The following RGS6 variants were observed in gnomAD, a reference collection of about 807,000 sequenced individuals.
RGS6 encodes regulator of G-protein signaling 6.
In RGS6, 30 loss-of-function variants were observed where a neutral mutation model predicts 78.5. The ratio of observed to expected loss-of-function variants is 0.38; its 90% confidence interval spans 0.29 to 0.52. The LOEUF (loss-of-function observed/expected upper bound fraction) is 0.52, where lower values mean the gene tolerates loss of function less well. RGS6 is among the 20% of genes least tolerant of loss of function. RGS6 has a pLI of 0.85. For missense variants in RGS6, 495 were observed against 609.7 expected (o/e 0.81, Z 1.98); for synonymous variants, 206 against 206.0 (o/e 1.00, Z 0.00).
chr14:72,166,093 GACACACACACACACACACAC>G (rs3055029), intron 2 of RGS6, among the ~76,000 whole-genome samples: 4 of 107,694 alleles, frequency 3.7e-5, no homozygotes, highest in South Asian at 3.2e-4. Context: ...CCATTTTTGA[GACACACACACACACACACAC>G]ACACACACAC....
intron 12 of RGS6, among the ~76,000 whole-genome samples, chr14:72,482,073 G>A (rs1043022524): frequency 2.6e-5 from 4 of 152,088 alleles, no homozygotes; most frequent in Non-Finnish European, 5.9e-5. Flanking sequence ...GCCTCCCAAA[G>A]TGCTGGGATT....
At chr14:72,343,884 T>G (rs1335115760) in intron 2 of RGS6, among the ~76,000 whole-genome samples, 1 of 152,172 alleles carries the variant, frequency 6.6e-6, no homozygotes, top group African/African-American at 2.4e-5. Context: ...TTGAGGAGAT[T>G]AGAATAAAAG....
intron 2 of RGS6, among the ~76,000 whole-genome samples, chr14:72,273,556 C>A (rs1369909850): frequency 6.6e-6 from 1 of 152,114 alleles, no homozygotes; most frequent in Non-Finnish European, 1.5e-5. Flanking sequence ...TGCAAGGGCC[C>A]TATTAAGATT....
intron 2 of RGS6, among the ~76,000 whole-genome samples, chr14:72,154,258 T>C (rs2096737567): frequency 6.6e-6 from 1 of 152,174 alleles, no homozygotes; most frequent in South Asian, 2.1e-4. Flanking sequence ...CTGTTCTTTT[T>C]CAAGGTACAC....
intron 2 of RGS6, among the ~76,000 whole-genome samples, chr14:72,048,170 G>A (rs1034818314): frequency 2.6e-5 from 4 of 152,064 alleles, no homozygotes; most frequent in Non-Finnish European, 5.9e-5. Context: ...GTGTGTTCAA[G>A]GGTAAATGAT....
chr14:72,562,284 A>AGAT, intron 17 of RGS6, 133 bp from the exon 18 acceptor site: 1 of 805,572 alleles, frequency 1.2e-6, no homozygotes, highest in Admixed American at 2.1e-5. Flanking sequence ...TCAAATATCA[A>AGAT]GATGGTCAGT....
At chr14:72,110,637 G>A (rs2095738607) in intron 2 of RGS6, among the ~76,000 whole-genome samples, 1 of 152,192 alleles carries the variant, frequency 6.6e-6, no homozygotes, top group South Asian at 2.1e-4. Flanking sequence ...TGCAAACATG[G>A]ACATTCTTAT....
At chr14:72,601,137 C>T in the RGS6 span, among the ~76,000 whole-genome samples, 2 of 152,112 alleles carry the variant, frequency 1.3e-5, no homozygotes, top group African/African-American at 4.8e-5. Flanking sequence ...AAAGGGGCTG[C>T]AGCCTCTAGC....
intron 3 of RGS6, among the ~76,000 whole-genome samples, chr14:72,397,864 C>T (rs935244395): frequency 9.9e-5 from 15 of 151,998 alleles, no homozygotes; most frequent in African/African-American, 2.7e-4. Flanking sequence ...TATTGATTTT[C>T]GTATGTTGAA....
At chr14:72,062,318 G>A (rs779250909) in intron 2 of RGS6, among the ~76,000 whole-genome samples, 1 of 152,224 alleles carries the variant, frequency 6.6e-6, no homozygotes, top group African/African-American at 2.4e-5. Flanking sequence ...AGTGAGGAGA[G>A]GTGGGTAGGA....
chr14:72,150,317 G>A (rs2096665294), intron 2 of RGS6, among the ~76,000 whole-genome samples: 1 of 152,116 alleles, frequency 6.6e-6, no homozygotes, highest in African/African-American at 2.4e-5. Context: ...CTTCCCTAGA[G>A]CCTTCAGAGG....
chr14:72,396,013 G>A (rs79165259), intron 3 of RGS6, among the ~76,000 whole-genome samples: 150,744 of 152,176 alleles, frequency 0.99, 74,666 homozygotes, highest in Middle Eastern at 1. Context: ...GTGTCTTTAT[G>A]GCAGCATGAT....
chr14:72,562,681 G>A lies in RGS6; in HGVS notation c.*214G>A. ...CAGAGCCTGGGCTGGGCCCGGTGGA[G>A]GCTCCTGTTTACAGCCCTCTCTTCT... On this transcript the variant is annotated 3_prime_UTR_variant, in exon 18 of 18. Coordinates refer to ENST00000553525, the MANE Select transcript of RGS6 (RefSeq NM_001204424.2). 1 of 1,536,144 alleles carries A rather than the reference G, an allele frequency of 6.5e-7. No individual in the cohort carries two copies. The highest frequency in any genetic ancestry group is 1.2e-5 in the South Asian group (1 of 84,046).
At chr14:71,922,131 A>G in the RGS6 span, among the ~76,000 whole-genome samples, 1 of 152,242 alleles carries the variant, frequency 6.6e-6, no homozygotes, top group African/African-American at 2.4e-5. Context: ...TTCTCCAGCA[A>G]ACATGCTCCA....
intron 2 of RGS6, among the ~76,000 whole-genome samples, chr14:72,307,764 T>C (rs1449524025): frequency 1.3e-5 from 2 of 152,222 alleles, no homozygotes; most frequent in Admixed American, 6.5e-5. Flanking sequence ...GAAAAAATTA[T>C]ATTGCTGTTT....
chr14:72,419,476 A>G (rs1346692110), intron 3 of RGS6, among the ~76,000 whole-genome samples: 1 of 152,180 alleles, frequency 6.6e-6, no homozygotes, highest in African/African-American at 2.4e-5. Context: ...TAGGAGAGAG[A>G]CAGTGCGGGT....
intron 2 of RGS6, among the ~76,000 whole-genome samples, chr14:72,301,648 C>G (rs2066086817): frequency 6.6e-6 from 1 of 152,172 alleles, no homozygotes; most frequent in Non-Finnish European, 1.5e-5. Context: ...AAGTTCAAGA[C>G]TGGGATATTG....
intron 2 of RGS6, among the ~76,000 whole-genome samples, chr14:72,097,740 ATGCAGCCCACCTCTTCT>A (rs2095439079): frequency 6.7e-6 from 1 of 150,112 alleles, no homozygotes; most frequent in African/African-American, 2.4e-5. Context: ...TGGCTTCTGC[ATGCAGCCCACCTCTTCT>A]TGCTGGACAG....
chr14:71,888,276 A>G, the RGS6 span, among the ~76,000 whole-genome samples: 1 of 152,036 alleles, frequency 6.6e-6, no homozygotes, highest in African/African-American at 2.4e-5. Flanking sequence ...CAAAATACAA[A>G]AATTAGCCAG....
Sources: gnomAD v4.1 joint callset for allele counts (sites outside exome capture counted in the v4.1 genomes callset) on GRCh38, gnomAD v4.1.1 for gene constraint, MANE v1.5 for transcripts, NCBI Gene and HGNC (gene_info 2026-07-23, HGNC 2026-07-21) for gene names.